ITPR3: variants seen among roughly 807,000 people sequenced by gnomAD.
ITPR3 encodes inositol 1,4,5-trisphosphate-gated calcium channel ITPR3.
ITPR3 carries 173 observed loss-of-function variants against 293.2 expected under a neutral mutation model. The ratio of observed to expected loss-of-function variants is 0.59; its 90% CI spans 0.52 to 0.67. The LOEUF (loss-of-function observed/expected upper bound fraction) is 0.67, where lower values mean the gene tolerates loss of function less well. Among genes scored for constraint, ITPR3 ranks in the 30% least tolerant of loss-of-function variants. ITPR3 has a pLI of 0.00. For missense variants in ITPR3, 2,796 were observed against 3,592.1 expected (o/e 0.78, Z 5.66); for synonymous variants, 1,295 against 1,444.4 (o/e 0.90, Z 2.35).
At position 33,684,198 on chromosome 6, in the gene ITPR3, C is replaced by A; in HGVS notation, c.4937+30C>A. The A allele has an allele frequency of 6.2e-7, 1 of 1,605,812 alleles. No homozygotes were observed. On this transcript the variant is annotated intron_variant, in intron 36 of 57. Coordinates refer to ENST00000605930, the MANE Select transcript of ITPR3 (RefSeq NM_002224.4). This position sits in a 1 kb window ranked among gnomAD's most constrained non-coding sequence, Gnocchi z 4.2. The stretch of plus-strand genomic sequence containing the variant: ...GCGAGACACTGGGGCATGGGGGCAG[C>A]AGGGGTGCAGCGGCAGGGGACAGAG...
rs76997379 is a variant in ITPR3, at chr6:33,680,635, C to T, written c.4431C>T (p.Asn1477=). ...TGAGCGTTGTGCTGGACACCATCAA[C>T]GCCTTCTTCAGCTCCCCATTCTCTG... ...YVLSVVLDTI[N]AFFSSPFSEN... is the part of the protein sequence containing the mutation. The change falls in exon 33 of 58, where the codon AAC becomes AAT. Residue 1477 remains asparagine, a synonymous_variant. Coordinates refer to ENST00000605930, the MANE Select transcript of ITPR3 (RefSeq NM_002224.4). 151 of 1,614,124 alleles carry T rather than the reference C, an allele frequency of 9.4e-5. No homozygotes were observed. The East Asian group carries it at 3.0e-3, about 32-fold the overall frequency.
chr6:33,643,279 C>T (rs904320334), intron 2 of ITPR3, among the ~76,000 whole-genome samples: 3 of 152,188 alleles, frequency 2.0e-5, no homozygotes, highest in East Asian at 1.9e-4. Context: ...GCTCCCTGCC[C>T]GGCTCCCTGC....
intron 57 of ITPR3, chr6:33,695,393 G>A (rs1765515266): frequency 1.8e-6 from 1 of 560,830 alleles, no homozygotes; most frequent in Non-Finnish European, 3.2e-6. Context: ...CATCACTGGA[G>A]ATGGGGGAGT....
Position 33,696,171 on chromosome 6 carries a change from G to T in ITPR3, c.*391G>T. ...CATTTTGGCGGCTGCCGGCCTCTGG[G>T]GGAGGTGGCAGTTATGCTGTTACTA... On this transcript the variant is annotated 3_prime_UTR_variant, in exon 58 of 58. Transcript: ENST00000605930. 4.3e-6 allele frequency: 1 copy of T among 231,314 alleles called. No homozygotes were observed. The allele number at this position is 231,314 out of a possible 1,614,324, so 14.3% of individuals were successfully genotyped here. A position where few individuals can be genotyped will look rare whatever the true frequency, so the allele number is the denominator to read the frequency against.
At chr6:33,662,495 C>T (rs1764498219) in intron 7 of ITPR3, 33 bp from the exon 8 acceptor site, 2 of 1,549,752 alleles carry the variant, frequency 1.3e-6, no homozygotes, top group South Asian at 1.2e-5. Context: ...GGAGGGGCCG[C>T]AGCCATCCTG....
chr6:33,678,311 C>T lies in ITPR3; in HGVS notation c.3649-110C>T, dbSNP rs988550332. 1.2e-5 allele frequency: 18 copies of T among 1,460,640 alleles called. 1 individual carries two copies. In the Admixed American group the frequency reaches 3.0e-4, roughly 25 times the overall value. The allele number at this position is 1,460,640 out of a possible 1,614,324, so 90.5% of individuals were successfully genotyped here. The stretch of plus-strand genomic sequence containing the variant: ...CACTTTCCCTTTACGCTGGCCTCTT[C>T]ACGGTCCCAGTCCCAAGCCCGACCC... On this transcript the variant is annotated intron_variant, in intron 28 of 57. Transcript: ENST00000605930.
rs1763754169 is a variant in ITPR3, at chr6:33,633,929, A to T, written c.90-6555A>T. On this transcript the variant is annotated intron_variant, in intron 1 of 57. Coordinates refer to ENST00000605930, the MANE Select transcript of ITPR3 (RefSeq NM_002224.4). This position sits in a 1 kb window ranked among gnomAD's most constrained non-coding sequence, Gnocchi z 5.2. ...GGACCCAGAACCGCTCCCACCACGCAGCGATGGGGAGGTCGCGGCCTCGCC... is the reference window on the plus strand; with the variant it reads ...GGACCCAGAACCGCTCCCACCACGCTGCGATGGGGAGGTCGCGGCCTCGCC... Among the ~76,000 whole-genome samples the T allele has an allele frequency of 6.6e-6, 1 of 151,764 alleles. No homozygotes were observed. Among genetic ancestry groups the T allele is most frequent in the Non-Finnish European group, 1.5e-5 (1 of 67,894 alleles).
At chr6:33,677,673 C>T (rs967328120) in intron 28 of ITPR3, 44 bp downstream of exon 28, 2 of 1,604,130 alleles carry the variant, frequency 1.2e-6, no homozygotes, top group African/African-American at 1.3e-5. Context: ...GTGGCTTCCC[C>T]CTGAACCCCG....
Position 33,663,809 on chromosome 6 carries a change from T to A in ITPR3, c.1077T>A (p.His359Gln). The A allele has an allele frequency of 6.2e-7, 1 of 1,614,118 alleles. No individual in the cohort carries two copies. The highest frequency in any genetic ancestry group is 8.5e-7 in the Non-Finnish European group (1 of 1,179,988). The change falls in exon 11 of 58, where the codon CAT becomes CAA. Residue 359 changes from histidine to glutamine, a missense_variant. Physicochemically the swap from His to Gln is conservative, Grantham distance 24. Around this residue, in one of 8 missense-constraint regions of ITPR3, gnomAD observed 955 missense variants for 1,180.8 expected, o/e 0.81. Transcript: ENST00000605930. ...KIKYCLVAVPHGNDIASLFEL... is the reference protein window; with the variant it reads ...KIKYCLVAVPQGNDIASLFEL... Reference sequence around the variant, plus strand: ...AGTACTGCCTGGTGGCTGTGCCTCATGGCAATGACATCGCCTCTCTCTTTG... The same window carrying A: ...AGTACTGCCTGGTGGCTGTGCCTCAAGGCAATGACATCGCCTCTCTCTTTG...
chr6:33,661,716 C>T (rs534188441), intron 7 of ITPR3, among the ~76,000 whole-genome samples: 2 of 152,116 alleles, frequency 1.3e-5, no homozygotes, highest in South Asian at 2.1e-4. Flanking sequence ...AGACAGAGGC[C>T]GGGCACAGTG....
In ITPR3 at chr6:33,662,694, T is replaced by C. The variant is rs759786355; in HGVS notation, c.858+20T>C. The C allele has an allele frequency of 6.2e-7, 1 of 1,603,284 alleles. No individual in the cohort carries two copies. On this transcript the variant is annotated intron_variant, in intron 8 of 57. Transcript: ENST00000605930. ...GTGGAGGTCAGAAAAGCCCTGCTTC[T>C]GGCACCCCGGACTCAGCCTTGGATG...
chr6:33,688,254 C>T lies in ITPR3; in HGVS notation c.6391C>T (p.Arg2131Cys), dbSNP rs760345523. ...GTGTGCTCAGATTGTGCGGCAGGAC[C>T]GCAGCATGGAGCAGATCGTGTTCCC... ...TSQIEIVRQD[R>C]SMEQIVFPVP... The change falls in exon 48 of 58, where the codon CGC becomes TGC. Residue 2131 changes from arginine to cysteine, a missense_variant. Arg to Cys is a radical substitution (Grantham distance 180, BLOSUM62 -3). Coordinates refer to ENST00000605930, the MANE Select transcript of ITPR3 (RefSeq NM_002224.4). 6 of 1,614,060 alleles carry T rather than the reference C, an allele frequency of 3.7e-6. No individual in the cohort carries two copies. Among genetic ancestry groups the T allele is most frequent in the Admixed American group, 1.7e-5 (1 of 60,000 alleles).
chr6:33,677,771 C>G, intron 28 of ITPR3, 142 bp downstream of exon 28: 1 of 941,894 alleles, frequency 1.1e-6, no homozygotes, highest in East Asian at 2.6e-5. Context: ...TGCAGGCACA[C>G]CTTGACCCCT....
At chr6:33,647,375 C>T (rs1466519951) in intron 2 of ITPR3, among the ~76,000 whole-genome samples, 1 of 152,118 alleles carries the variant, frequency 6.6e-6, no homozygotes, top group Non-Finnish European at 1.5e-5. Flanking sequence ...AAGGAGTTTC[C>T]CATCTTAACC....
In ITPR3 at chr6:33,687,690, A is replaced by G. The variant is rs1765272806; in HGVS notation, c.6264+126A>G. On this transcript the variant is annotated intron_variant, in intron 46 of 57. Transcript: ENST00000605930. The surrounding 1 kb of genome is among the most constrained non-coding windows in gnomAD (Gnocchi z 5.3). Reference sequence around the variant, plus strand: ...ATGAGCCAGGCTAGAATTTGGGGGTACAGCTCAGGGGGCTGATTGGGACTG... The same window carrying G: ...ATGAGCCAGGCTAGAATTTGGGGGTGCAGCTCAGGGGGCTGATTGGGACTG... The G allele has an allele frequency of 1.3e-6, 1 of 780,760 alleles. No homozygotes were observed. Among genetic ancestry groups the G allele is most frequent in the South Asian group, 1.7e-5 (1 of 59,898 alleles). 48.4% of individuals were successfully genotyped at this position (780,760 alleles called of 1,614,324 possible).
At chr6:33,693,366 T>G (rs993518938) in intron 55 of ITPR3, among the ~76,000 whole-genome samples, 179 bp from the exon 56 acceptor site, 2 of 152,198 alleles carry the variant, frequency 1.3e-5, no homozygotes, top group Non-Finnish European at 2.9e-5. Flanking sequence ...GGGCAGGATC[T>G]CCACTAAGTG....
chr6:33,657,827 GT>G, intron 3 of ITPR3, 104 bp from the exon 4 acceptor site: 2 of 838,752 alleles, frequency 2.4e-6, no homozygotes, highest in Non-Finnish European at 3.9e-6. Flanking sequence ...GTGTGTGTGT[GT>G]GTGTGTTTGT....
rs7752206 is a variant in ITPR3, at chr6:33,655,373, A to G, written c.161-393A>G. ...GTCATTTCCCAGGCATCTGTGTGCAAGATGGTTTCCATCAGCCAAGGCAAT... is the reference window on the plus strand; with the variant it reads ...GTCATTTCCCAGGCATCTGTGTGCAGGATGGTTTCCATCAGCCAAGGCAAT... On this transcript the variant is annotated intron_variant, in intron 2 of 57. Transcript: ENST00000605930. The surrounding 1 kb of genome is among the most constrained non-coding windows in gnomAD (Gnocchi z 4.9). Among the ~76,000 whole-genome samples the G allele has an allele frequency of 7.1e-4, 108 of 152,300 alleles. No individual in the cohort carries two copies. The highest frequency in any genetic ancestry group is 2.4e-3 in the African/African-American group (101 of 41,572).
chr6:33,663,795 G>A lies in ITPR3; in HGVS notation c.1063G>A (p.Val355Met). 6.2e-7 allele frequency: 1 copy of A among 1,614,198 alleles called. No homozygotes were observed. The highest frequency in any genetic ancestry group is 8.5e-7 in the Non-Finnish European group (1 of 1,180,018). Residue 355 changes from valine (V) to methionine (M), a missense_variant, in exon 11 of 58, where the codon GTG (valine) becomes ATG (methionine). By Grantham distance (21) the Val-to-Met change is conservative. Coordinates refer to ENST00000605930, the MANE Select transcript of ITPR3 (RefSeq NM_002224.4). ...TGGGGAGAAGATCAAGTACTGCCTG[G>A]TGGCTGTGCCTCATGGCAATGACAT... ...NAGEKIKYCL[V>M]AVPHGNDIAS...
Sources: allele counts gnomAD v4.1 joint callset (sites outside exome capture counted in the v4.1 genomes callset), GRCh38; gene constraint gnomAD v4.1.1; regional missense constraint gnomAD v4.1.1; non-coding constraint Gnocchi (gnomAD v3.1); transcripts MANE v1.5; gene names NCBI Gene and HGNC (gene_info 2026-07-23, HGNC 2026-07-21).